UBE2E2: variants seen among roughly 807,000 people sequenced by gnomAD.
The protein encoded by UBE2E2 is ubiquitin-conjugating enzyme E2 E2.
UBE2E2 carries 6 observed loss-of-function variants against 24.7 expected under a neutral mutation model. The ratio of observed to expected loss-of-function variants is 0.24; its 90% CI spans 0.13 to 0.48. The LOEUF is 0.48. Among genes scored for constraint, UBE2E2 ranks in the 20% least tolerant of loss-of-function variants. The probability of loss-of-function intolerance (pLI) is 0.99; values close to 1 mark genes in which losing one functional copy is unlikely to be tolerated. For missense variants in UBE2E2, 169 were observed against 245.0 expected (o/e 0.69, Z 2.07); for synonymous variants, 104 against 83.6 (o/e 1.24, Z -1.33).
chr3:23,527,725 A>AACCCC (rs1271361991), intron 4 of UBE2E2, among the ~76,000 whole-genome samples: 1 of 152,080 alleles, frequency 6.6e-6, no homozygotes, highest in African/African-American at 2.4e-5. Flanking sequence ...GCCTCCATAA[A>AACCCC]ACCCCTAAAA....
chr3:23,322,341 T>C (rs1366661257), intron 3 of UBE2E2, among the ~76,000 whole-genome samples: 1 of 152,188 alleles, frequency 6.6e-6, no homozygotes, highest in Non-Finnish European at 1.5e-5. Flanking sequence ...TAAATACATT[T>C]AGTGCCTGCA....
At position 23,457,013 on chromosome 3, in the gene UBE2E2, T is replaced by A. The variant is rs147275924; in HGVS notation, c.228-42595T>A. ...AATCGAGGATTCAGCAAGGAGATTT[T>A]ATTACTTGTAATAAGAAGAATGCTG... is the stretch of plus-strand genomic sequence containing the variant. On this transcript the variant is annotated intron_variant, in intron 3 of 5. Transcript: ENST00000396703. 3.9e-3 allele frequency among the ~76,000 whole-genome samples: 590 copies of A among 152,336 alleles called. 5 individuals are homozygous for A. Among genetic ancestry groups the A allele is most frequent in the African/African-American group, 0.012 (514 of 41,572 alleles).
intron 3 of UBE2E2, among the ~76,000 whole-genome samples, chr3:23,236,540 T>C (rs1220949274): frequency 6.6e-6 from 1 of 151,898 alleles, no homozygotes; most frequent in African/African-American, 2.4e-5. Context: ...TGTATCATTA[T>C]TTATTGCCTT....
In UBE2E2 at chr3:23,436,002, G is replaced by A. The variant is rs182052943; in HGVS notation, c.228-63606G>A. 3.8e-3 allele frequency among the ~76,000 whole-genome samples: 585 copies of A among 152,174 alleles called. 4 individuals carry two copies. Among genetic ancestry groups the A allele is most frequent in the Admixed American group, 0.01 (153 of 15,288 alleles). On this transcript the variant is annotated intron_variant, in intron 3 of 5. Coordinates refer to ENST00000396703, the MANE Select transcript of UBE2E2 (RefSeq NM_152653.4). ...AGCGCACAGTCTAGATACCTCGCAC[G>A]CACAGTTCACAATAGGATCCCCACT...
intron 3 of UBE2E2, among the ~76,000 whole-genome samples, chr3:23,492,140 A>G (rs1699513085): frequency 6.6e-6 from 1 of 152,192 alleles, no homozygotes; most frequent in African/African-American, 2.4e-5. Context: ...GTAGAACCCT[A>G]AATTAGAGGG....
At chr3:23,478,731 C>T (rs1699190617) in intron 3 of UBE2E2, among the ~76,000 whole-genome samples, 1 of 152,036 alleles carries the variant, frequency 6.6e-6, no homozygotes, top group South Asian at 2.1e-4. Flanking sequence ...AGAGAGTCAT[C>T]TTAAAGTTAG....
chr3:23,347,214 A>G (rs1039301264), intron 3 of UBE2E2, among the ~76,000 whole-genome samples: 1 of 152,254 alleles, frequency 6.6e-6, no homozygotes, highest in Non-Finnish European at 1.5e-5. Context: ...TGTATACCCA[A>G]AGGATTATAA....
chr3:23,581,781 A>C (rs77662845), intron 5 of UBE2E2, among the ~76,000 whole-genome samples: 1 of 152,196 alleles, frequency 6.6e-6, no homozygotes, highest in South Asian at 2.1e-4. Flanking sequence ...CATACCACCT[A>C]CCAACCAAGA....
chr3:23,464,080 G>C (rs937870498), intron 3 of UBE2E2, among the ~76,000 whole-genome samples: 1 of 152,000 alleles, frequency 6.6e-6, no homozygotes, highest in African/African-American at 2.4e-5. Flanking sequence ...GAAAATCAAC[G>C]ACTTTGACAG....
intron 3 of UBE2E2, among the ~76,000 whole-genome samples, chr3:23,266,260 G>GGCAT (rs1489817984): frequency 1.3e-5 from 2 of 152,156 alleles, no homozygotes; most frequent in Non-Finnish European, 2.9e-5. Context: ...TTTACAATTT[G>GGCAT]GCATGATTTT....
At chr3:23,236,682 C>T (rs572119881) in intron 3 of UBE2E2, among the ~76,000 whole-genome samples, 2 of 152,112 alleles carry the variant, frequency 1.3e-5, no homozygotes, top group South Asian at 2.1e-4. Flanking sequence ...TCATTTTTGC[C>T]GTTGAGAAAG....
At chr3:23,504,937 C>G (rs911062713) in intron 4 of UBE2E2, among the ~76,000 whole-genome samples, 4 of 42,204 alleles carry the variant, frequency 9.5e-5, no homozygotes, top group African/African-American at 1.4e-4. Flanking sequence ...GAGACAGGGT[C>G]TCACTCTGGG....
intron 3 of UBE2E2, among the ~76,000 whole-genome samples, chr3:23,493,992 A>T (rs73043648): frequency 0.13 from 20,400 of 152,222 alleles, 1,452 homozygotes; most frequent in Middle Eastern, 0.2. Flanking sequence ...CTCATTTTGC[A>T]GTCAAGGAAA....
In UBE2E2 at chr3:23,407,642, C is replaced by T. The variant is rs1435566432; in HGVS notation, c.228-91966C>T. Among the ~76,000 whole-genome samples, 29 of 119,402 alleles carry T rather than the reference C, an allele frequency of 2.4e-4. No homozygotes were observed. The highest frequency in any genetic ancestry group is 7.6e-4 in the African/African-American group (21 of 27,552). 78.3% of individuals were successfully genotyped at this position (119,402 alleles called of 152,430 possible). A position where few individuals can be genotyped will look rare whatever the true frequency, so the allele number is the denominator to read the frequency against. On this transcript the variant is annotated intron_variant, in intron 3 of 5. Transcript: ENST00000396703. This position sits in a 1 kb window ranked among gnomAD's most constrained non-coding sequence, Gnocchi z 4.0. ...ATGTGTGTGTGTTTGTGTGTGCATG[C>T]GTGCATGTGTGTGTGTGTGTGTGTG... is the stretch of plus-strand genomic sequence containing the variant.
At chr3:23,444,823 T>C (rs1285000484) in intron 3 of UBE2E2, among the ~76,000 whole-genome samples, 1 of 152,208 alleles carries the variant, frequency 6.6e-6, no homozygotes, top group South Asian at 2.1e-4. Flanking sequence ...ATAAGATGGG[T>C]ACTTTGGGCC....
chr3:23,511,735 A>T (rs1255411227), intron 4 of UBE2E2, among the ~76,000 whole-genome samples: 3 of 152,212 alleles, frequency 2.0e-5, no homozygotes, highest in African/African-American at 7.2e-5. Flanking sequence ...CTGTTTGGGG[A>T]TTGGAAAGTT....
At chr3:23,496,874 A>G (rs770522219) in intron 3 of UBE2E2, among the ~76,000 whole-genome samples, 1 of 152,186 alleles carries the variant, frequency 6.6e-6, no homozygotes, top group Non-Finnish European at 1.5e-5. Flanking sequence ...TCAAAAATTC[A>G]TGTATAATGT....
intron 3 of UBE2E2, among the ~76,000 whole-genome samples, chr3:23,383,179 G>A (rs905988843): frequency 1.3e-5 from 2 of 152,212 alleles, no homozygotes; most frequent in Non-Finnish European, 2.9e-5. Context: ...AGGGACTCAG[G>A]GTTTTAACTT....
At chr3:23,417,702 A>G (rs1697675631) in intron 3 of UBE2E2, among the ~76,000 whole-genome samples, 1 of 152,114 alleles carries the variant, frequency 6.6e-6, no homozygotes. Context: ...TGGGGGTTTT[A>G]TCTATAAACC....
Sources: allele counts gnomAD v4.1 joint callset (sites outside exome capture counted in the v4.1 genomes callset), GRCh38; gene constraint gnomAD v4.1.1; non-coding constraint Gnocchi (gnomAD v3.1); transcripts MANE v1.5; gene names NCBI Gene and HGNC (gene_info 2026-07-23, HGNC 2026-07-21).